Variants in MGST2 observed in about 807,000 individuals in gnomAD.
MGST2 encodes the protein glutathione peroxidase MGST2.
MGST2 carries 9 observed loss-of-function variants against 16.6 expected under a neutral mutation model. The observed-to-expected ratio is 0.54, with a 90% confidence interval of 0.33 to 0.95. The LOEUF is 0.95. Ranked by LOEUF, MGST2 falls within the 40% of genes least tolerant of loss-of-function variation. The pLI, the probability that MGST2 is intolerant of heterozygous loss-of-function variation, is 0.03. For missense variants in MGST2, 159 were observed against 175.1 expected, an observed-to-expected ratio of 0.91 and a Z score of 0.52; for synonymous variants, 79 against 68.0, an observed-to-expected ratio of 1.16 and a Z score of -0.79.
At chr4:139,714,515 TTC>T (rs1399313581) in intron 5 of MGST2, among the ~76,000 whole-genome samples, 1 of 152,216 alleles carries the variant, frequency 6.6e-6, no homozygotes, top group African/African-American at 2.4e-5. Flanking sequence ...GGAAAAGTAT[TTC>T]TTTTTGTTCT....
chr4:139,695,809 G>C (rs915896058), intron 3 of MGST2, among the ~76,000 whole-genome samples: 1 of 152,160 alleles, frequency 6.6e-6, no homozygotes, highest in Non-Finnish European at 1.5e-5. Context: ...GAATGAGAAC[G>C]ACATGAGCTT....
Position 139,723,507 on chromosome 4 carries a change from T to C in MGST2, c.*49-16705T>C, listed in dbSNP as rs182653989. Among the ~76,000 whole-genome samples, 868 of 152,252 alleles carry C rather than the reference T, an allele frequency of 5.7e-3. 5 individuals are homozygous for C. Among genetic ancestry groups the C allele is most frequent in the Middle Eastern group, 0.017 (5 of 294 alleles). ...TTGTATTTTTAGTAGAGACGGGGTT[T>C]CTCCATGTTGGTCAGGCTGGTCTCG... is the stretch of plus-strand genomic sequence containing the variant. On this transcript the variant is annotated intron_variant, in intron 5 of 5. Transcript: ENST00000616265.
At chr4:139,667,381 C>G (rs1325970029) in intron 1 of MGST2, among the ~76,000 whole-genome samples, 1 of 151,636 alleles carries the variant, frequency 6.6e-6, no homozygotes, top group African/African-American at 2.4e-5. Context: ...TATCCTAGGC[C>G]TGCAGGTCCA....
chr4:139,695,550 A>G (rs894515011), intron 3 of MGST2, among the ~76,000 whole-genome samples: 2 of 152,144 alleles, frequency 1.3e-5, no homozygotes, highest in African/African-American at 4.8e-5. Flanking sequence ...TGAACCCAGG[A>G]GGTGGAGGCT....
downstream of MGST2, among the ~76,000 whole-genome samples, chr4:139,742,298 G>A (rs1729195969): frequency 6.6e-6 from 1 of 152,088 alleles, no homozygotes; most frequent in African/African-American, 2.4e-5. Flanking sequence ...ACAGGCGTGT[G>A]CCACCACGCC....
chr4:139,717,033 A>T (rs1727999993), intron 5 of MGST2: 1 of 152,530 alleles, frequency 6.6e-6, no homozygotes, highest in Admixed American at 6.5e-5. Flanking sequence ...ATTTTAAACA[A>T]ACAGTATATA....
At chr4:139,743,812 A>G (rs905262950), downstream of MGST2, among the ~76,000 whole-genome samples, 1 of 152,228 alleles carries the variant, frequency 6.6e-6, no homozygotes, top group Non-Finnish European at 1.5e-5. Flanking sequence ...GACAAGGCCA[A>G]TCTTGATTTC....
Position 139,684,875 on chromosome 4 carries a change from G to A in MGST2, c.158+6233G>A, listed in dbSNP as rs8192078. 5.6e-3 allele frequency among the ~76,000 whole-genome samples: 859 copies of A among 152,262 alleles called. 4 individuals are homozygous for A. Among genetic ancestry groups the A allele is most frequent in the Non-Finnish European group, 9.7e-3 (663 of 68,004 alleles). ...AACAGTCTCTGGTTCTGTTTCTCCA[G>A]GCAATAAGCCTCCCACCTCCTGTGA... On this transcript the variant is annotated intron_variant, in intron 2 of 4. Transcript: ENST00000265498.
In MGST2 at chr4:139,720,363, C is replaced by T. The variant is rs1728187627; in HGVS notation, c.*48+16167C>T. ...AGGACACATACCACTCACTCTTCTC[C>T]ATAAGCAATATACTGCAACAAGATG... On this transcript the variant is annotated intron_variant, in intron 5 of 5. Transcript: ENST00000616265. 1 of 1,497,076 alleles carries T rather than the reference C, an allele frequency of 6.7e-7. No individual in the cohort carries two copies. The highest frequency in any genetic ancestry group is 1.4e-5 in the African/African-American group (1 of 71,438). The allele number at this position is 1,497,076 out of a possible 1,614,324, so 92.7% of individuals were successfully genotyped here.
At chr4:139,720,630 G>A (rs11723251) in intron 5 of MGST2, among the ~76,000 whole-genome samples, 19,658 of 152,202 alleles carry the variant, frequency 0.13, 1,392 homozygotes, top group Middle Eastern at 0.17. Flanking sequence ...GGATCGTACT[G>A]TGCATGTGTT....
intron 1 of MGST2, 77 bp downstream of exon 1, chr4:139,666,154 G>A (rs910848017): frequency 4.2e-6 from 6 of 1,418,510 alleles, no homozygotes; most frequent in Non-Finnish European, 6.0e-6. Flanking sequence ...GCGGGAGAGA[G>A]AGGGAGGGAG....
At chr4:139,702,844 G>GTTTATTTTTTTTTTTTTTTTTTTTTTTTT (rs1727327478) in intron 3 of MGST2, among the ~76,000 whole-genome samples, 1 of 46,424 alleles carries the variant, frequency 2.2e-5, no homozygotes, top group African/African-American at 6.2e-5. Context: ...TGTGTTACTG[G>GTTTATTTTTTTTTTTTTTTTTTTTTTTTT]TTTTTTTTTT....
chr4:139,689,837 A>G (rs1726467808), intron 2 of MGST2, among the ~76,000 whole-genome samples: 1 of 152,214 alleles, frequency 6.6e-6, no homozygotes, highest in South Asian at 2.1e-4. Flanking sequence ...TTCGTTGGAC[A>G]CGGTCAAATA....
Position 139,695,360 on chromosome 4 carries a change from A to G in MGST2, c.229+93A>G. 7 of 1,084,088 alleles carry G rather than the reference A, an allele frequency of 6.5e-6. No homozygotes were observed. The East Asian group carries it at 1.7e-4, about 26-fold the overall frequency. 67.2% of individuals were successfully genotyped at this position (1,084,088 alleles called of 1,614,324 possible). A position where few individuals can be genotyped will look rare whatever the true frequency, so the allele number is the denominator to read the frequency against. On this transcript the variant is annotated intron_variant, in intron 3 of 4. Coordinates refer to ENST00000265498, the MANE Select transcript of MGST2 (RefSeq NM_002413.5). ...TATATGGCCAGGCACGGTGGCTCAC[A>G]CCTATATTCCCAGCACTTTGGGAGG...
At chr4:139,744,103 T>A (rs1729243210), downstream of MGST2, among the ~76,000 whole-genome samples, 1 of 152,144 alleles carries the variant, frequency 6.6e-6, no homozygotes, top group Admixed American at 6.6e-5. Flanking sequence ...ACACCTTGGG[T>A]AGGAACCTAG....
At chr4:139,687,793 A>G (rs1048716230) in intron 2 of MGST2, 1 of 152,188 alleles carries the variant, frequency 6.6e-6, no homozygotes, top group Admixed American at 6.5e-5. Context: ...TTTCTGAGTT[A>G]CTAGCCCTGG....
At chr4:139,733,025 A>G (rs1728786584) in intron 5 of MGST2, among the ~76,000 whole-genome samples, 1 of 152,230 alleles carries the variant, frequency 6.6e-6, no homozygotes. Flanking sequence ...GCAGGGGCCT[A>G]GATATTTCAG....
intron 1 of MGST2, among the ~76,000 whole-genome samples, chr4:139,674,354 A>G (rs1730858385): frequency 6.6e-6 from 1 of 152,246 alleles, no homozygotes; most frequent in Non-Finnish European, 1.5e-5. Flanking sequence ...ACTGAATCAA[A>G]GGAAGCAATC....
chr4:139,691,750 G>C (rs1726610080), intron 2 of MGST2, among the ~76,000 whole-genome samples: 1 of 152,094 alleles, frequency 6.6e-6, no homozygotes, highest in South Asian at 2.1e-4. Context: ...CCAGGCTGGA[G>C]TGCAGTGGCG....
Sources: allele counts gnomAD v4.1 joint callset (sites outside exome capture counted in the v4.1 genomes callset), GRCh38; gene constraint gnomAD v4.1.1; transcripts MANE v1.5; gene names NCBI Gene and HGNC (gene_info 2026-07-23, HGNC 2026-07-21).